Variants in SDK2 observed in about 807,000 individuals in gnomAD.
SDK2 encodes the protein protein sidekick-2.
In SDK2, 105 loss-of-function variants were observed where a neutral mutation model predicts 253.9. That is an observed-to-expected ratio of 0.41 (90% confidence interval 0.35 to 0.49). The LOEUF is 0.49. Ranked by LOEUF, SDK2 falls within the 20% of genes least tolerant of loss-of-function variation. The probability of loss-of-function intolerance (pLI) is 0.06; values close to 1 mark genes in which losing one functional copy is unlikely to be tolerated. For missense variants in SDK2, 2,608 were observed against 3,003.0 expected, an observed-to-expected ratio of 0.87 and a Z score of 3.07; for synonymous variants, 1,249 against 1,234.9, an observed-to-expected ratio of 1.01 and a Z score of -0.24.
At chr17:73,397,906 A>G in intron 24 of SDK2, 129 bp downstream of exon 24, 2 of 1,046,564 alleles carry the variant, frequency 1.9e-6, no homozygotes, top group Non-Finnish European at 2.7e-6. Flanking sequence ...GATGTTGATT[A>G]TCAGGCATCT....
In SDK2 at chr17:73,419,237, C is replaced by A. The variant is rs748410857; in HGVS notation, c.2115G>T (p.Gln705His). The A allele has an allele frequency of 6.2e-7, 1 of 1,612,970 alleles. No individual in the cohort carries two copies. Among genetic ancestry groups the A allele is most frequent in the East Asian group, 2.2e-5 (1 of 44,866 alleles). The change falls in exon 16 of 45, where the codon CAG (glutamine) becomes CAT (histidine). Residue 705 changes from glutamine to histidine, a missense_variant. By Grantham distance (24) the Gln-to-His change is conservative. Transcript: ENST00000392650. Reference protein sequence around the residue: ...QNVIASGRTNQSIMIQWQPPP... With the variant: ...QNVIASGRTNHSIMIQWQPPP... The stretch of plus-strand genomic sequence containing the variant: ...GCGGCTGCCACTGGATCATGATGGA[C>A]TGGTTGGTTCGACCGCTGGCGATGA...
chr17:73,485,877 G>T (rs535137129), intron 2 of SDK2, among the ~76,000 whole-genome samples: 67 of 152,364 alleles, frequency 4.4e-4, no homozygotes, highest in African/African-American at 1.4e-3. Context: ...ACCAGAAAAT[G>T]CTTGCCAACC....
chr17:73,461,619 A>T (rs1173573999), intron 3 of SDK2, among the ~76,000 whole-genome samples: 3 of 152,090 alleles, frequency 2.0e-5, no homozygotes, highest in Admixed American at 6.5e-5. Context: ...TGTTCAGTGG[A>T]TGGATGGATG....
At chr17:73,501,111 C>G (rs1216793004) in intron 2 of SDK2, among the ~76,000 whole-genome samples, 1 of 152,160 alleles carries the variant, frequency 6.6e-6, no homozygotes, top group African/African-American at 2.4e-5. Flanking sequence ...GAGGGCCTGA[C>G]CTCTAGGGCT....
At chr17:73,537,517 G>A (rs1287951448) in intron 1 of SDK2, among the ~76,000 whole-genome samples, 1 of 152,096 alleles carries the variant, frequency 6.6e-6, no homozygotes, top group African/African-American at 2.4e-5. Context: ...GCTGCTGATG[G>A]AGAGGCAGGC....
chr17:73,575,424 G>A (rs1000034947), intron 1 of SDK2, among the ~76,000 whole-genome samples: 2 of 152,232 alleles, frequency 1.3e-5, no homozygotes, highest in African/African-American at 2.4e-5. Context: ...ACGCCTGCCA[G>A]TTCCAGGCAT....
intron 1 of SDK2, among the ~76,000 whole-genome samples, chr17:73,632,181 T>C (rs1004247421): frequency 7.2e-5 from 11 of 152,214 alleles, no homozygotes; most frequent in Non-Finnish European, 5.9e-5. Flanking sequence ...CTTGATTGGA[T>C]TGAAGGATGC....
At position 73,642,301 on chromosome 17, in the gene SDK2, T is replaced by G. The variant is rs904726726; in HGVS notation, c.64+1724A>C. The stretch of plus-strand genomic sequence containing the variant: ...ATGAGACAAGAATTGGTGAGCCACC[T>G]GCCCAGGGAAATCATACCATTGTTG... On this transcript the variant is annotated intron_variant, in intron 1 of 44. Transcript: ENST00000392650. This position sits in a 1 kb window ranked among gnomAD's most constrained non-coding sequence, Gnocchi z 4.7. Among the ~76,000 whole-genome samples the G allele has an allele frequency of 2.0e-5, 3 of 152,234 alleles. No individual in the cohort carries two copies. Among genetic ancestry groups the G allele is most frequent in the African/African-American group, 7.2e-5 (3 of 41,464 alleles).
chr17:73,373,684 T>A (rs997749576), intron 36 of SDK2, among the ~76,000 whole-genome samples: 2 of 152,022 alleles, frequency 1.3e-5, no homozygotes, highest in Non-Finnish European at 1.5e-5. Context: ...TGAGTTGGAG[T>A]CTTGCTCTGT....
At chr17:73,576,223 G>A (rs555207611) in intron 1 of SDK2, among the ~76,000 whole-genome samples, 2 of 152,270 alleles carry the variant, frequency 1.3e-5, no homozygotes, top group East Asian at 3.9e-4. Context: ...AAGAAGGGGA[G>A]GGAACGTCCC....
chr17:73,378,523 G>A (rs894515861), intron 36 of SDK2, among the ~76,000 whole-genome samples: 1 of 151,802 alleles, frequency 6.6e-6, no homozygotes, highest in Admixed American at 6.6e-5. Flanking sequence ...GGGTTCAAGC[G>A]ATTCTCCTGC....
At chr17:73,506,108 G>A (rs1169557822) in intron 2 of SDK2, among the ~76,000 whole-genome samples, 1 of 152,260 alleles carries the variant, frequency 6.6e-6, no homozygotes, top group Non-Finnish European at 1.5e-5. Context: ...CGTGTGGTAT[G>A]CCATCCCATG....
chr17:73,477,193 A>G (rs2063692148), intron 2 of SDK2, among the ~76,000 whole-genome samples: 1 of 152,044 alleles, frequency 6.6e-6, no homozygotes, highest in Admixed American at 6.6e-5. Flanking sequence ...AGCACTCATT[A>G]TCCCCAATGC....
chr17:73,519,678 C>T (rs548049795), intron 1 of SDK2: 1 of 152,312 alleles, frequency 6.6e-6, no homozygotes, highest in Admixed American at 6.5e-5. Context: ...ACATGTGTGT[C>T]AGTGGCAGAG....
intron 1 of SDK2, among the ~76,000 whole-genome samples, chr17:73,571,566 A>G (rs1390679434): frequency 1.3e-5 from 2 of 152,160 alleles, no homozygotes; most frequent in East Asian, 3.9e-4. Context: ...GCCTGTGCCT[A>G]ATGACCGCAG....
chr17:73,573,653 A>G (rs2045418210), intron 1 of SDK2, among the ~76,000 whole-genome samples: 1 of 152,170 alleles, frequency 6.6e-6, no homozygotes, highest in South Asian at 2.1e-4. Context: ...CCTGGACCAC[A>G]GCCTCCTCCC....
chr17:73,587,167 G>T (rs900845055), intron 1 of SDK2, among the ~76,000 whole-genome samples: 1 of 152,158 alleles, frequency 6.6e-6, no homozygotes, highest in African/African-American at 2.4e-5. Flanking sequence ...CAAATTCCAT[G>T]CCCTTGGAAT....
At chr17:73,414,611 G>T (rs1310908241) in intron 18 of SDK2, 33 bp downstream of exon 18, 7 of 1,514,164 alleles carry the variant, frequency 4.6e-6, no homozygotes, top group South Asian at 1.1e-5. Context: ...AGATCTTAGG[G>T]CCTCCTCTTG....
Position 73,440,908 on chromosome 17 carries a change from G to A in SDK2, c.629C>T (p.Ala210Val). 6.4e-7 allele frequency: 1 copy of A among 1,550,696 alleles called. No individual in the cohort carries two copies. Among genetic ancestry groups the A allele is most frequent in the South Asian group, 1.2e-5 (1 of 83,990 alleles). The change falls in exon 6 of 45, where the codon GCA (alanine) becomes GTA (valine). Residue 210 changes from alanine (A) to valine (V), a missense_variant. By Grantham distance (64) the Ala-to-Val change is moderately conservative. This residue lies in a region of SDK2 where 1,505 missense variants were observed against 1,859.1 expected (regional missense o/e 0.81). Transcript: ENST00000392650. ...TLTVENVGGP[A>V]DPIAPTIIIP... Reference sequence around the variant, plus strand: ...GATGATGGTGGGTGCGATGGGGTCTGCAGGCCCCCCTACATCTGGAGAGAG... The same window carrying A: ...GATGATGGTGGGTGCGATGGGGTCTACAGGCCCCCCTACATCTGGAGAGAG...
Sources: allele counts gnomAD v4.1 joint callset (sites outside exome capture counted in the v4.1 genomes callset), GRCh38; gene constraint gnomAD v4.1.1; regional missense constraint gnomAD v4.1.1; non-coding constraint Gnocchi (gnomAD v3.1); transcripts MANE v1.5; gene names NCBI Gene and HGNC (gene_info 2026-07-23, HGNC 2026-07-21).